SERAC1: variants seen among roughly 807,000 people sequenced by gnomAD.
SERAC1 encodes serine active site containing 1, also known as protein SERAC1.
In SERAC1, 36 loss-of-function variants were observed where a neutral mutation model predicts 85.7. That is an observed-to-expected ratio of 0.42 (90% confidence interval 0.32 to 0.55). SERAC1 has a LOEUF of 0.55. SERAC1 is among the 20% of genes least tolerant of loss of function. SERAC1 has a pLI of 0.11. For synonymous variants in SERAC1, 242 were observed against 265.3 expected (o/e 0.91, Z 0.85); for missense variants, 629 against 796.2 (o/e 0.79, Z 2.53).
intron 3 of SERAC1, among the ~76,000 whole-genome samples, chr6:158,150,868 C>T (rs751662922): frequency 5.9e-5 from 9 of 152,198 alleles, no homozygotes; most frequent in Non-Finnish European, 8.8e-5. Flanking sequence ...ACATTACTCA[C>T]GTTTGTGGTG....
At chr6:158,129,965 G>T (rs1725073152) in intron 9 of SERAC1, among the ~76,000 whole-genome samples, 1 of 152,004 alleles carries the variant, frequency 6.6e-6, no homozygotes, top group Non-Finnish European at 1.5e-5. Context: ...CAAAGTGCTG[G>T]GATTACAGGC....
In SERAC1 at chr6:158,143,184, C is replaced by A. The variant is rs1192726389; in HGVS notation, c.610G>T (p.Asp204Tyr). ...LPPPLPSLKEDSSTEEELRQL... is the reference protein window; with the variant it reads ...LPPPLPSLKEYSSTEEELRQL... ...CTGAGCTCTTCTTCAGTGGAAGAAT[C>A]CTGAAATAAAAGGAAAGGAAATTCT... is the stretch of plus-strand genomic sequence containing the variant. Residue 204 changes from aspartate (D) to tyrosine (Y), a missense_variant and splice_region_variant, in exon 8 of 17, where the codon GAT becomes TAT. Asp to Tyr is a radical substitution (Grantham distance 160). Coordinates refer to ENST00000647468, the MANE Select transcript of SERAC1 (RefSeq NM_032861.4). 1 of 1,610,820 alleles carries A rather than the reference C, an allele frequency of 6.2e-7. No individual in the cohort carries two copies. Among genetic ancestry groups the A allele is most frequent in the South Asian group, 1.1e-5 (1 of 90,414 alleles).
At position 158,120,664 on chromosome 6, in the gene SERAC1, G is replaced by C. The variant is rs1784398906; in HGVS notation, c.1016-89C>G. 7.2e-6 allele frequency: 10 copies of C among 1,398,268 alleles called. No homozygotes were observed. The highest frequency in any genetic ancestry group is 6.8e-5 in the South Asian group (5 of 74,048). The allele number at this position is 1,398,268 out of a possible 1,614,324, so 86.6% of individuals were successfully genotyped here. A position where few individuals can be genotyped will look rare whatever the true frequency, so the allele number is the denominator to read the frequency against. On this transcript the variant is annotated intron_variant, in intron 10 of 16. Coordinates refer to ENST00000647468, the MANE Select transcript of SERAC1 (RefSeq NM_032861.4). This position sits in a 1 kb window ranked among gnomAD's most constrained non-coding sequence, Gnocchi z 4.4. ...AGGTTTCAAACTGAATATGATGGGA[G>C]AAAGGCAAACCTTGCGTGTCTGTCC...
chr6:158,146,924 AG>A lies in SERAC1; in HGVS notation c.356-12del. ...CTGTACTAAAAGGATCTTTGCAAAA[AG>A]AAAAAGCCAAGACAATGTGAAAAGT... On this transcript the variant is annotated splice_polypyrimidine_tract_variant and intron_variant, in intron 5 of 16. Coordinates refer to ENST00000647468, the MANE Select transcript of SERAC1 (RefSeq NM_032861.4). 6.2e-7 allele frequency: 1 copy of A among 1,612,244 alleles called. No homozygotes were observed. Among genetic ancestry groups the A allele is most frequent in the Non-Finnish European group, 8.5e-7 (1 of 1,179,032 alleles).
At chr6:158,129,037 A>G (rs917986625) in intron 9 of SERAC1, among the ~76,000 whole-genome samples, 1 of 152,228 alleles carries the variant, frequency 6.6e-6, no homozygotes, top group Non-Finnish European at 1.5e-5. Flanking sequence ...GTTACATTAT[A>G]TCACATTTTA....
intron 1 of SERAC1, among the ~76,000 whole-genome samples, chr6:158,165,012 A>G (rs1051412053): frequency 1.3e-5 from 2 of 152,222 alleles, no homozygotes; most frequent in African/African-American, 2.4e-5. Flanking sequence ...GCAGCCAGAT[A>G]GAAGAATCCG....
intron 3 of SERAC1, 69 bp downstream of exon 3, chr6:158,155,246 A>C (rs1245094678): frequency 1.1e-5 from 12 of 1,081,412 alleles, no homozygotes; most frequent in Non-Finnish European, 1.7e-5. Context: ...GCAACCTGTC[A>C]ATCACTGCCA....
At chr6:158,151,882 A>G (rs1051585972) in intron 3 of SERAC1, among the ~76,000 whole-genome samples, 15 of 152,088 alleles carry the variant, frequency 9.9e-5, no homozygotes, top group African/African-American at 3.6e-4. Flanking sequence ...TTAAAAAAAA[A>G]AAATACAGTA....
intron 8 of SERAC1, among the ~76,000 whole-genome samples, chr6:158,131,071 T>C (rs1291661865): frequency 6.6e-6 from 1 of 151,824 alleles, no homozygotes; most frequent in African/African-American, 2.4e-5. Context: ...TATTAAAACA[T>C]AAATAAAAAC....
rs1784388322 is a variant in SERAC1 at position 158,120,334 on chromosome 6, A to C, written c.1166+91T>G. On this transcript the variant is annotated intron_variant, in intron 11 of 16. Transcript: ENST00000647468. The surrounding 1 kb of genome is among the most constrained non-coding windows in gnomAD (Gnocchi z 4.4). Reference sequence around the variant, plus strand: ...ATTTGACTTATAAGTTATTTAACTTATCTGAATTATGCAGAAATAAGTTAA... The same window carrying C: ...ATTTGACTTATAAGTTATTTAACTTCTCTGAATTATGCAGAAATAAGTTAA... 4 of 1,289,936 alleles carry C rather than the reference A, an allele frequency of 3.1e-6. No homozygotes were observed. The highest frequency in any genetic ancestry group is 4.2e-6 in the Non-Finnish European group (4 of 949,100). The allele number at this position is 1,289,936 out of a possible 1,614,324, so 79.9% of individuals were successfully genotyped here.
At chr6:158,163,132 G>A (rs996717974) in intron 1 of SERAC1, among the ~76,000 whole-genome samples, 54 of 152,222 alleles carry the variant, frequency 3.5e-4, no homozygotes, top group African/African-American at 1.2e-3. Context: ...AGCAACAGCC[G>A]CCAGGCATGT....
chr6:158,128,983 T>C (rs979490626), intron 9 of SERAC1, among the ~76,000 whole-genome samples: 1 of 152,212 alleles, frequency 6.6e-6, no homozygotes, highest in African/African-American at 2.4e-5. Context: ...CTCAAGGACA[T>C]GACACCATAT....
At chr6:158,128,375 C>A in intron 9 of SERAC1, 105 bp from the exon 10 acceptor site, 1 of 988,026 alleles carries the variant, frequency 1.0e-6, no homozygotes. Context: ...CACTCAAGGG[C>A]AGGGATGCAG....
rs557007560 is a variant in SERAC1 at position 158,139,070 on chromosome 6, T to A, written c.738+3986A>T. ...CCACAGGCACACACCCCACAACTGG[T>A]TAATGTTTTTCTTCTTTGTAGAGAT... On this transcript the variant is annotated intron_variant, in intron 8 of 16. Transcript: ENST00000647468. 1.2e-4 allele frequency among the ~76,000 whole-genome samples: 18 copies of A among 152,140 alleles called. No homozygotes were observed. The South Asian group carries it at 3.7e-3, about 32-fold the overall frequency.
At chr6:158,130,266 C>A in intron 9 of SERAC1, 107 bp downstream of exon 9, 1 of 518,470 alleles carries the variant, frequency 1.9e-6, no homozygotes, top group Non-Finnish European at 3.3e-6. Flanking sequence ...AAGTGAAGGG[C>A]TTTTCTCCTT....
At chr6:158,114,660 G>A in intron 15 of SERAC1, 129 bp downstream of exon 15, 1 of 631,512 alleles carries the variant, frequency 1.6e-6, no homozygotes, top group East Asian at 7.5e-5. Flanking sequence ...AAATTTCCAT[G>A]AATAGTCTAA....
intron 8 of SERAC1, among the ~76,000 whole-genome samples, chr6:158,138,435 C>CAAAA (rs60850749): frequency 1.4e-5 from 1 of 72,840 alleles, no homozygotes; most frequent in Admixed American, 1.8e-4. Flanking sequence ...GACTCTGTCT[C>CAAAA]AAAAAAAAAA....
At chr6:158,155,989 T>TA (rs35111542) in intron 2 of SERAC1, among the ~76,000 whole-genome samples, 13 of 149,276 alleles carry the variant, frequency 8.7e-5, no homozygotes, top group East Asian at 3.9e-4. Context: ...TACTAAATAT[T>TA]AAAAAAAAAA....
Position 158,111,304 on chromosome 6 carries a change from A to G in SERAC1, c.*62T>C. 3.4e-6 allele frequency: 5 copies of G among 1,458,984 alleles called. No homozygotes were observed. Among genetic ancestry groups the G allele is most frequent in the Non-Finnish European group, 3.7e-6 (4 of 1,086,644 alleles). The allele number at this position is 1,458,984 out of a possible 1,614,324, so 90.4% of individuals were successfully genotyped here. On this transcript the variant is annotated 3_prime_UTR_variant, in exon 17 of 17. Coordinates refer to ENST00000647468, the MANE Select transcript of SERAC1 (RefSeq NM_032861.4). ...GCATGATTGCATAGAGCTTAAAAGA[A>G]GAAACAGAACACCAAGTTTCTTGCA...
Sources: gnomAD v4.1 joint callset for allele counts (sites outside exome capture counted in the v4.1 genomes callset) on GRCh38, gnomAD v4.1.1 for gene constraint, Gnocchi (gnomAD v3.1) non-coding constraint, MANE v1.5 for transcripts, NCBI Gene and HGNC (gene_info 2026-07-23, HGNC 2026-07-21) for gene names.